The following PISD variants were observed in gnomAD, a reference collection of about 807,000 sequenced individuals.
PISD encodes phosphatidylserine decarboxylase proenzyme, mitochondrial.
A neutral mutation model predicts 43.5 loss-of-function variants in PISD; 31 were observed. That is an observed-to-expected ratio of 0.71 (90% CI 0.54 to 0.96). PISD has a LOEUF of 0.96. PISD is among the 40% of genes least tolerant of loss of function. PISD has a pLI of 0.00. For synonymous variants in PISD, 259 were observed against 228.7 expected, an observed-to-expected ratio of 1.13 and a Z score of -1.20; for missense variants, 523 against 548.4, an observed-to-expected ratio of 0.95 and a Z score of 0.46.
intron 3 of PISD, among the ~76,000 whole-genome samples, chr22:31,643,502 G>T (rs1023312017): frequency 2.0e-5 from 3 of 152,142 alleles, no homozygotes; most frequent in Admixed American, 6.6e-5. Flanking sequence ...GGAAGGCTAA[G>T]GTGAAAGAAA....
chr22:31,653,127 C>T (rs2074076255), intron 1 of PISD, among the ~76,000 whole-genome samples: 2 of 150,390 alleles, frequency 1.3e-5, no homozygotes, highest in Non-Finnish European at 2.9e-5. Flanking sequence ...TATAGGCAAA[C>T]AAGGAGAAAA....
Position 31,662,154 on chromosome 22 carries a change from A to T in PISD, c.55T>A (p.Trp19Arg). The T allele has an allele frequency of 6.2e-7, 1 of 1,607,438 alleles. No individual in the cohort carries two copies. ...CLGLLHGVAP[W>R]RSSLHPCEIT... Reference sequence around the variant, plus strand: ...TCCGCGCTGCTATACCTGCTCCGCCACGGCGCGACCCCGTGCAGTAATCCC... The same window carrying T: ...TCCGCGCTGCTATACCTGCTCCGCCTCGGCGCGACCCCGTGCAGTAATCCC... The change falls in exon 1 of 8, where the codon TGG becomes AGG. Residue 19 changes from tryptophan to arginine, a missense_variant. By Grantham distance (101) the Trp-to-Arg change is moderately radical. Transcript: ENST00000439502.
chr22:31,623,964 G>T, intron 3 of PISD: 3 of 944,674 alleles, frequency 3.2e-6, no homozygotes, highest in Non-Finnish European at 4.7e-6. Flanking sequence ...CCCTTGGCAA[G>T]CTGCCTCTCC....
chr22:31,623,672 G>C (rs1322429390), intron 3 of PISD: 5 of 1,610,710 alleles, frequency 3.1e-6, no homozygotes, highest in Non-Finnish European at 4.2e-6. Flanking sequence ...ACAGGGGCCT[G>C]TGCACACTTA....
intron 3 of PISD, chr22:31,632,139 C>T (rs2073232816): frequency 1.7e-6 from 1 of 586,710 alleles, no homozygotes; most frequent in Non-Finnish European, 2.1e-6. Flanking sequence ...TGGAATAGGA[C>T]ATAAGGGTGT....
intron 3 of PISD, among the ~76,000 whole-genome samples, chr22:31,637,125 A>T (rs1424196303): frequency 1.2e-4 from 13 of 111,510 alleles, no homozygotes; most frequent in Non-Finnish European, 1.8e-4. Flanking sequence ...CTACAAAAAA[A>T]AATAATAATA....
chr22:31,637,155 AAAAAAAAAAATATATATATATATATATAT>A (rs1216953739), intron 3 of PISD, among the ~76,000 whole-genome samples: 12 of 44,798 alleles, frequency 2.7e-4, no homozygotes, highest in South Asian at 7.9e-4. Context: ...AAAAAAAAAA[AAAAAAAAAAATATATATATATATATATAT>A]ATATATATAT....
At chr22:31,619,955 T>C in intron 7 of PISD, 119 bp from the exon 8 acceptor site, 1 of 684,284 alleles carries the variant, frequency 1.5e-6, no homozygotes, top group Non-Finnish European at 2.5e-6. Flanking sequence ...CCAACCCAGC[T>C]CCAAAAGGGA....
chr22:31,627,767 G>C (rs1375711784), intron 3 of PISD, among the ~76,000 whole-genome samples: 1 of 152,246 alleles, frequency 6.6e-6, no homozygotes, highest in African/African-American at 2.4e-5. Flanking sequence ...CATGAACCCA[G>C]ATAAACCCAG....
At chr22:31,649,144 C>G (rs1269880153) in intron 2 of PISD, among the ~76,000 whole-genome samples, 1 of 152,088 alleles carries the variant, frequency 6.6e-6, no homozygotes, top group African/African-American at 2.4e-5. Context: ...TGCTTGAACC[C>G]AGGAGTTCAA....
intron 1 of PISD, among the ~76,000 whole-genome samples, chr22:31,652,187 C>G (rs1257251085): frequency 6.6e-6 from 1 of 152,012 alleles, no homozygotes; most frequent in Non-Finnish European, 1.5e-5. Context: ...GTTACCCAGG[C>G]TGGAGCGGAT....
chr22:31,620,955 G>A (rs773465161), intron 6 of PISD, 41 bp downstream of exon 6: 1 of 1,577,516 alleles, frequency 6.3e-7, no homozygotes, highest in Non-Finnish European at 8.6e-7. Context: ...TCTATATGAA[G>A]CCCACAGAGG....
chr22:31,639,488 A>T (rs2073624537), intron 3 of PISD, among the ~76,000 whole-genome samples: 1 of 152,140 alleles, frequency 6.6e-6, no homozygotes, highest in South Asian at 2.1e-4. Flanking sequence ...TCAGCCTCCC[A>T]AAGTGTTGGG....
Position 31,630,763 on chromosome 22 carries a change from G to GGGCTCCCGGCAGGGCCGGGGCGCC in PISD, c.322-8902_322-8879dup. 1 of 985,598 alleles carries GGGCTCCCGGCAGGGCCGGGGCGCC rather than the reference G, an allele frequency of 1.0e-6. No individual in the cohort carries two copies. Among genetic ancestry groups the GGGCTCCCGGCAGGGCCGGGGCGCC allele is most frequent in the Non-Finnish European group, 1.2e-6 (1 of 830,076 alleles). 61.1% of individuals were successfully genotyped at this position (985,598 alleles called of 1,614,324 possible). On this transcript the variant is annotated intron_variant, in intron 3 of 7. Transcript: ENST00000439502. This position sits in a 1 kb window ranked among gnomAD's most constrained non-coding sequence, Gnocchi z 4.4. The stretch of plus-strand genomic sequence containing the variant: ...GGGCGCCTCCCTGAGAAGTCACCTG[G>GGGCTCCCGGCAGGGCCGGGGCGCC]GGCTCCCGGCAGGGCCGGGGCGCCG...
intron 3 of PISD, 144 bp downstream of exon 3, chr22:31,647,957 T>G: frequency 1.4e-6 from 1 of 692,984 alleles, no homozygotes; most frequent in Admixed American, 2.9e-5. Flanking sequence ...TTATAACTCC[T>G]GTATCTGGCC....
intron 3 of PISD, among the ~76,000 whole-genome samples, chr22:31,637,143 TAAAAAAAAAAAAAAAAA>T (rs1170100945): frequency 4.1e-4 from 13 of 31,596 alleles, no homozygotes; most frequent in Admixed American, 4.5e-4. Flanking sequence ...ATAAATAAAT[TAAAAAAAAAAAAAAAAA>T]AAAAATATAT....
At chr22:31,635,620 C>T (rs963158606) in intron 3 of PISD, among the ~76,000 whole-genome samples, 1 of 152,168 alleles carries the variant, frequency 6.6e-6, no homozygotes, top group African/African-American at 2.4e-5. Context: ...TCTTGAGACA[C>T]GGTCCCTCCG....
intron 3 of PISD, among the ~76,000 whole-genome samples, chr22:31,645,538 C>CTT (rs1198668208): frequency 1.4e-4 from 20 of 138,914 alleles, no homozygotes; most frequent in African/African-American, 4.7e-4. Flanking sequence ...AACCCTGTCT[C>CTT]TTTTTTTTTT....
chr22:31,625,808 C>G, intron 3 of PISD: 1 of 1,601,268 alleles, frequency 6.2e-7, no homozygotes, highest in South Asian at 1.1e-5. Context: ...CTCTGACTGA[C>G]ACATCATGGG....
Sources: allele counts gnomAD v4.1 joint callset (sites outside exome capture counted in the v4.1 genomes callset), GRCh38; gene constraint gnomAD v4.1.1; non-coding constraint Gnocchi (gnomAD v3.1); transcripts MANE v1.5; gene names NCBI Gene and HGNC (gene_info 2026-07-23, HGNC 2026-07-21).